SPTLC2: variants seen among roughly 807,000 people sequenced by gnomAD.
SPTLC2 encodes serine palmitoyltransferase 2.
Under a neutral mutation model 62.0 loss-of-function variants are expected in SPTLC2, and 21 were observed. That is an observed-to-expected ratio of 0.34 (90% CI 0.24 to 0.49). The LOEUF (loss-of-function observed/expected upper bound fraction) is 0.49, where lower values mean the gene tolerates loss of function less well. Ranked by LOEUF, SPTLC2 falls within the 20% of genes least tolerant of loss-of-function variation. The pLI, the probability that SPTLC2 is intolerant of heterozygous loss-of-function variation, is 0.99. For missense variants in SPTLC2, 511 were observed against 713.0 expected, an observed-to-expected ratio of 0.72 and a Z score of 3.23; for synonymous variants, 261 against 261.8, an observed-to-expected ratio of 1.00 and a Z score of 0.03.
intron 9 of SPTLC2, among the ~76,000 whole-genome samples, chr14:77,551,886 T>C (rs936445611): frequency 7.2e-5 from 11 of 152,130 alleles, no homozygotes; most frequent in Admixed American, 7.2e-4. Context: ...CTCCCATCTA[T>C]AAACAAGAAA....
intron 9 of SPTLC2, chr14:77,547,991 T>TA (rs1251874140): frequency 3.3e-5 from 5 of 151,614 alleles, no homozygotes; most frequent in Non-Finnish European, 7.4e-5. Context: ...TTACTGGAAT[T>TA]AATTCAAATG....
intron 9 of SPTLC2, among the ~76,000 whole-genome samples, chr14:77,545,345 C>A (rs2079522461): frequency 6.6e-6 from 1 of 151,746 alleles, no homozygotes; most frequent in African/African-American, 2.4e-5. Flanking sequence ...CGGCTCCCTG[C>A]AATCTCCACC....
intron 9 of SPTLC2, among the ~76,000 whole-genome samples, chr14:77,525,093 C>G (rs1043870472): frequency 2.6e-5 from 4 of 152,018 alleles, no homozygotes. Context: ...ATGCATCTAT[C>G]AAAATATCAT....
At chr14:77,606,127 C>T (rs1362163210) in intron 1 of SPTLC2, among the ~76,000 whole-genome samples, 1 of 152,102 alleles carries the variant, frequency 6.6e-6, no homozygotes, top group Non-Finnish European at 1.5e-5. Context: ...GTCAGGACTT[C>T]GAGACCAGCC....
chr14:77,614,461 A>G (rs176904), intron 1 of SPTLC2, among the ~76,000 whole-genome samples: 137,716 of 152,034 alleles, frequency 0.91, 62,476 homozygotes, highest in East Asian at 1. Context: ...TCAGGAAATC[A>G]AGACCATCCT....
Position 77,509,878 on chromosome 14 carries a change from A to T in SPTLC2, c.*2406T>A. The T allele has an allele frequency of 2.5e-6, 1 of 398,458 alleles. No homozygotes were observed. Among genetic ancestry groups the T allele is most frequent in the Non-Finnish European group, 4.4e-6 (1 of 225,980 alleles). The allele number at this position is 398,458 out of a possible 1,614,324, so 24.7% of individuals were successfully genotyped here. On this transcript the variant is annotated 3_prime_UTR_variant, in exon 12 of 12. Coordinates refer to ENST00000216484, the MANE Select transcript of SPTLC2 (RefSeq NM_004863.4). ...CTTATCTTGAAATAACTTTGTACCAACAAAGTGATATAGATATATTTTAAA... is the reference window on the plus strand; with the variant it reads ...CTTATCTTGAAATAACTTTGTACCATCAAAGTGATATAGATATATTTTAAA...
intron 5 of SPTLC2, among the ~76,000 whole-genome samples, chr14:77,563,627 T>C (rs570128328): frequency 7.5e-4 from 114 of 152,288 alleles, no homozygotes; most frequent in African/African-American, 2.6e-3. Context: ...GGTTTCACCA[T>C]GTTGGCCAGG....
At chr14:77,560,031 TAAAA>T (rs567846203) in intron 6 of SPTLC2, among the ~76,000 whole-genome samples, 89 of 152,210 alleles carry the variant, frequency 5.8e-4, no homozygotes, top group African/African-American at 2.0e-3. Flanking sequence ...CAAGTAGAGT[TAAAA>T]AAACAGTAAA....
At chr14:77,583,085 A>G (rs528761380) in intron 2 of SPTLC2, among the ~76,000 whole-genome samples, 1 of 152,210 alleles carries the variant, frequency 6.6e-6, no homozygotes, top group Non-Finnish European at 1.5e-5. Flanking sequence ...CTGCAGTCCC[A>G]GCAACGTGGG....
At chr14:77,543,879 A>ATATT (rs2079514672) in intron 9 of SPTLC2, among the ~76,000 whole-genome samples, 1 of 152,262 alleles carries the variant, frequency 6.6e-6, no homozygotes, top group South Asian at 2.1e-4. Flanking sequence ...CTGCCAGCAA[A>ATATT]TGCCTGTCTT....
Position 77,550,561 on chromosome 14 carries a change from G to A in SPTLC2, c.1303+1535C>T, listed in dbSNP as rs1053514740. Among the ~76,000 whole-genome samples, 6 of 151,552 alleles carry A rather than the reference G, an allele frequency of 4.0e-5. No individual in the cohort carries two copies. The East Asian group carries it at 1.2e-3, about 29-fold the overall frequency. ...TTGCACTCCAGCCTGAGCAACAAGA[G>A]CAAAACTCCATCTCAAAAGAAAGAA... On this transcript the variant is annotated intron_variant, in intron 9 of 11. Coordinates refer to ENST00000216484, the MANE Select transcript of SPTLC2 (RefSeq NM_004863.4).
In SPTLC2 at chr14:77,558,190, A is replaced by G. The variant is rs528087783; in HGVS notation, c.851-1044T>C. On this transcript the variant is annotated intron_variant, in intron 6 of 11. Coordinates refer to ENST00000216484, the MANE Select transcript of SPTLC2 (RefSeq NM_004863.4). ...AGCCTCCCAAGTAGCTCGGATTACC[A>G]GCACCCGCCATCACGCCAGGCTAAT... Among the ~76,000 whole-genome samples, 18 of 151,970 alleles carry G rather than the reference A, an allele frequency of 1.2e-4. No homozygotes were observed. In the South Asian group the frequency reaches 3.1e-3, roughly 26 times the overall value.
At chr14:77,547,874 CTTTTTTTTTTTTT>C (rs61406879) in intron 9 of SPTLC2, 8 of 86,840 alleles carry the variant, frequency 9.2e-5, no homozygotes. Context: ...CCTGGAATGT[CTTTTTTTTTTTTT>C]TTTTTTTTTT....
intron 7 of SPTLC2, 86 bp downstream of exon 7, chr14:77,556,955 G>A: frequency 9.5e-7 from 1 of 1,047,894 alleles, no homozygotes; most frequent in Non-Finnish European, 1.5e-6. Context: ...TTCCAGAGGG[G>A]GATAGACTAA....
intron 6 of SPTLC2, among the ~76,000 whole-genome samples, chr14:77,560,630 AAT>A (rs67807394): frequency 0.86 from 127,194 of 148,202 alleles, 54,727 homozygotes; most frequent in East Asian, 0.98. Context: ...TAAAAATAAA[AAT>A]ATATATATAT....
chr14:77,606,560 A>C (rs934360619), intron 1 of SPTLC2, among the ~76,000 whole-genome samples: 1 of 152,182 alleles, frequency 6.6e-6, no homozygotes, highest in African/African-American at 2.4e-5. Context: ...AACTACAAAA[A>C]TAATTTTTCA....
intron 9 of SPTLC2, among the ~76,000 whole-genome samples, chr14:77,529,994 G>C (rs2079429802): frequency 6.6e-6 from 1 of 152,018 alleles, no homozygotes; most frequent in African/African-American, 2.4e-5. Flanking sequence ...GTACTTTATA[G>C]TCTATCATAA....
At chr14:77,559,930 ATAAT>A (rs1226258999) in intron 6 of SPTLC2, among the ~76,000 whole-genome samples, 1 of 152,128 alleles carries the variant, frequency 6.6e-6, no homozygotes, top group African/African-American at 2.4e-5. Flanking sequence ...AAAGGAAAAG[ATAAT>A]TAATATAAAG....
chr14:77,529,620 C>CTTTTTTTTTTTT (rs71452856), intron 9 of SPTLC2, among the ~76,000 whole-genome samples: 2 of 76,048 alleles, frequency 2.6e-5, no homozygotes, highest in African/African-American at 4.1e-5. Context: ...TTCTTTCTTT[C>CTTTTTTTTTTTT]TTTTTTTTTT....
Sources: gnomAD v4.1 joint callset for allele counts (sites outside exome capture counted in the v4.1 genomes callset) on GRCh38, gnomAD v4.1.1 for gene constraint, MANE v1.5 for transcripts, NCBI Gene and HGNC (gene_info 2026-07-23, HGNC 2026-07-21) for gene names.